The following CELF2 variants were observed in gnomAD, a reference collection of about 807,000 sequenced individuals.
CELF2 encodes the protein CUG triplet repeat RNA-binding protein 2.
Under a neutral mutation model 62.6 loss-of-function variants are expected in CELF2, and 8 were observed. That is an observed-to-expected ratio of 0.13 (90% CI 0.07 to 0.23). CELF2 has a LOEUF of 0.23. Among genes scored for constraint, CELF2 ranks in the 10% least tolerant of loss-of-function variants. CELF2 has a pLI of 1.00. For missense variants in CELF2, 333 were observed against 671.0 expected (o/e 0.50, Z 5.56); for synonymous variants, 258 against 250.0 (o/e 1.03, Z -0.30).
rs945778901 is a variant in CELF2 at position 11,117,952 on chromosome 10, A to G, written c.75-47534A>G. ...TTGAATGCATTCTGCCTCAAAAGGCATTTTGCTCTAATGGCTGTGTGGAAA... is the reference window on the plus strand; with the variant it reads ...TTGAATGCATTCTGCCTCAAAAGGCGTTTTGCTCTAATGGCTGTGTGGAAA... On this transcript the variant is annotated intron_variant, in intron 1 of 12. Coordinates refer to ENST00000633077, the MANE Select transcript of CELF2 (RefSeq NM_001326342.2). This position sits in a 1 kb window ranked among gnomAD's most constrained non-coding sequence, Gnocchi z 4.1. Among the ~76,000 whole-genome samples, 3 of 152,070 alleles carry G rather than the reference A, an allele frequency of 2.0e-5. No homozygotes were observed. The highest frequency in any genetic ancestry group is 6.5e-5 in the Admixed American group (1 of 15,272).
intron 1 of CELF2, among the ~76,000 whole-genome samples, chr10:10,887,916 C>T (rs761695353): frequency 3.9e-5 from 6 of 152,142 alleles, no homozygotes; most frequent in Non-Finnish European, 8.8e-5. Context: ...GAATTACTGG[C>T]ATACGCCACC....
At chr10:11,205,161 A>G (rs1428961707) in intron 2 of CELF2, among the ~76,000 whole-genome samples, 1 of 152,208 alleles carries the variant, frequency 6.6e-6, no homozygotes, top group Non-Finnish European at 1.5e-5. Flanking sequence ...AGTTCCAAGT[A>G]ATTACTTCAG....
chr10:11,076,159 A>G (rs1300185943), intron 1 of CELF2, among the ~76,000 whole-genome samples: 1 of 151,996 alleles, frequency 6.6e-6, no homozygotes, highest in African/African-American at 2.4e-5. Flanking sequence ...ATGGTCATAC[A>G]TGGGGGAAGC....
chr10:10,861,083 G>C (rs1233639949), intron 1 of CELF2, among the ~76,000 whole-genome samples: 1 of 152,076 alleles, frequency 6.6e-6, no homozygotes, highest in Admixed American at 6.6e-5. Flanking sequence ...ACCATACCCA[G>C]CTAAGAATGG....
chr10:10,766,131 C>T, the CELF2 span, among the ~76,000 whole-genome samples: 1 of 152,332 alleles, frequency 6.6e-6, no homozygotes, highest in East Asian at 1.9e-4. Context: ...ACTAAGATTG[C>T]ACAGACAGGA....
At chr10:10,644,928 G>A in the CELF2 span, among the ~76,000 whole-genome samples, 12 of 152,106 alleles carry the variant, frequency 7.9e-5, no homozygotes, top group East Asian at 1.9e-4. Context: ...AGTGACAGGC[G>A]GATGAAGTGG....
the CELF2 span, among the ~76,000 whole-genome samples, chr10:10,542,451 C>G: frequency 6.6e-6 from 1 of 152,312 alleles, no homozygotes; most frequent in Middle Eastern, 3.4e-3. Flanking sequence ...GAGTTTGAAA[C>G]TGCAAAGAAG....
At chr10:10,699,786 T>C in the CELF2 span, among the ~76,000 whole-genome samples, 1 of 152,234 alleles carries the variant, frequency 6.6e-6, no homozygotes, top group Non-Finnish European at 1.5e-5. Context: ...TTCAGAGCCA[T>C]GAAACTACTT....
At chr10:11,062,001 G>A (rs193107864) in intron 1 of CELF2, among the ~76,000 whole-genome samples, 18 of 152,224 alleles carry the variant, frequency 1.2e-4, no homozygotes, top group East Asian at 7.7e-4. Flanking sequence ...TAGTAGCGAC[G>A]GGGTTTCACC....
At chr10:10,690,345 T>C in the CELF2 span, among the ~76,000 whole-genome samples, 1 of 152,340 alleles carries the variant, frequency 6.6e-6, no homozygotes, top group Admixed American at 6.5e-5. Flanking sequence ...ATCAAACATG[T>C]TTCCCAGTCT....
chr10:10,504,630 C>T, the CELF2 span, among the ~76,000 whole-genome samples: 1 of 152,032 alleles, frequency 6.6e-6, no homozygotes, highest in Non-Finnish European at 1.5e-5. Context: ...CACTACCCAC[C>T]TCCTTCTTTC....
intron 1 of CELF2, among the ~76,000 whole-genome samples, chr10:10,814,214 T>TAAAAAAAAAAAAAAAAAA (rs759524110): frequency 2.3e-5 from 1 of 44,434 alleles, no homozygotes; most frequent in Non-Finnish European, 4.0e-5. Context: ...AGAAGAGTCC[T>TAAAAAAAAAAAAAAAAAA]AAAAAAAAAA....
At chr10:10,710,076 A>G in the CELF2 span, among the ~76,000 whole-genome samples, 1 of 152,222 alleles carries the variant, frequency 6.6e-6, no homozygotes, top group Non-Finnish European at 1.5e-5. Flanking sequence ...GTTTCCAGTC[A>G]GGATTCCACA....
the CELF2 span, among the ~76,000 whole-genome samples, chr10:10,642,951 A>G: frequency 6.6e-6 from 1 of 152,246 alleles, no homozygotes; most frequent in Non-Finnish European, 1.5e-5. Context: ...TTCTCAGAGA[A>G]CAAGGACATT....
chr10:10,879,305 TC>T (rs1274716877), intron 1 of CELF2, among the ~76,000 whole-genome samples: 2 of 152,156 alleles, frequency 1.3e-5, no homozygotes, highest in Non-Finnish European at 2.9e-5. Context: ...CCTGGACATT[TC>T]TCCAACATAT....
rs951723025 is a variant in CELF2 at position 11,332,277 on chromosome 10, A to C, written c.*3224A>C. On this transcript the variant is annotated 3_prime_UTR_variant, in exon 13 of 13. Transcript: ENST00000633077. ...TGCAGTAAAACGACTTTGTGGCAGG[A>C]CAGTCTCTTGAGGGGTTTTGTTTCT... The C allele has an allele frequency of 6.6e-6, 1 of 152,194 alleles. No individual in the cohort carries two copies. The highest frequency in any genetic ancestry group is 2.4e-5 in the African/African-American group (1 of 41,448). The allele number at this position is 152,194 out of a possible 1,614,324, so 9.4% of individuals were successfully genotyped here.
At chr10:10,871,079 T>C (rs528548749) in intron 1 of CELF2, among the ~76,000 whole-genome samples, 5 of 152,122 alleles carry the variant, frequency 3.3e-5, no homozygotes, top group African/African-American at 1.2e-4. Flanking sequence ...ATTTAATTTA[T>C]TCCCTGGGAG....
chr10:10,528,934 T>C, the CELF2 span, among the ~76,000 whole-genome samples: 22 of 152,326 alleles, frequency 1.4e-4, no homozygotes, highest in African/African-American at 3.8e-4. Flanking sequence ...GAATGAAGAA[T>C]TGATTTTTAT....
At chr10:11,299,777 C>T (rs1239455716) in intron 9 of CELF2, among the ~76,000 whole-genome samples, 1 of 151,204 alleles carries the variant, frequency 6.6e-6, no homozygotes, top group African/African-American at 2.4e-5. Flanking sequence ...TGGGTTTCGC[C>T]AATTACACAT....
Sources: gnomAD v4.1 joint callset for allele counts (sites outside exome capture counted in the v4.1 genomes callset) on GRCh38, gnomAD v4.1.1 for gene constraint, Gnocchi (gnomAD v3.1) non-coding constraint, MANE v1.5 for transcripts, NCBI Gene and HGNC (gene_info 2026-07-23, HGNC 2026-07-21) for gene names.